NT5DC3: variants seen among roughly 807,000 people sequenced by gnomAD.
NT5DC3 encodes 5'-nucleotidase domain-containing protein 3.
In NT5DC3, 42 loss-of-function variants were observed where a neutral mutation model predicts 67.8. The ratio of observed to expected loss-of-function variants is 0.62; its 90% CI spans 0.48 to 0.80. NT5DC3 has a LOEUF of 0.80. Among genes scored for constraint, NT5DC3 ranks in the 30% least tolerant of loss-of-function variants. NT5DC3 has a pLI of 0.00. For synonymous variants in NT5DC3, 237 were observed against 255.6 expected, an observed-to-expected ratio of 0.93 and a Z score of 0.69; for missense variants, 570 against 696.4, an observed-to-expected ratio of 0.82 and a Z score of 2.04.
chr12:103,785,832 T>C (rs1283341965), intron 11 of NT5DC3: 4 of 439,498 alleles, frequency 9.1e-6, no homozygotes, highest in Non-Finnish European at 1.7e-5. Flanking sequence ...AAGGTCTTCA[T>C]TCAATTCATC....
intron 9 of NT5DC3, among the ~76,000 whole-genome samples, chr12:103,791,335 A>T (rs1376690848): frequency 6.6e-6 from 1 of 152,090 alleles, no homozygotes; most frequent in East Asian, 1.9e-4. Context: ...GAATCCACTA[A>T]GAAAATGGTG....
chr12:103,754,961 A>AAAAT, the NT5DC3 span: 1 of 218,846 alleles, frequency 4.6e-6, no homozygotes, highest in Non-Finnish European at 9.1e-6. Context: ...AAAAAAAAAA[A>AAAAT]TTTGAGTTCT....
At chr12:103,797,196 G>A (rs1216285625) in intron 5 of NT5DC3, among the ~76,000 whole-genome samples, 165 bp from the exon 6 acceptor site, 1 of 152,310 alleles carries the variant, frequency 6.6e-6, no homozygotes, top group East Asian at 1.9e-4. Flanking sequence ...TGGGCTGAGC[G>A]TGGTGGCTCA....
chr12:103,825,962 C>T (rs767807260), intron 1 of NT5DC3, among the ~76,000 whole-genome samples: 2 of 152,194 alleles, frequency 1.3e-5, no homozygotes, highest in Non-Finnish European at 2.9e-5. Flanking sequence ...ACTACAATCC[C>T]TCATATGCAG....
the NT5DC3 span, chr12:103,762,161 C>T: frequency 1.4e-6 from 2 of 1,424,988 alleles, no homozygotes; most frequent in Non-Finnish European, 9.6e-7. Context: ...TACATGTTAA[C>T]ATGTCAGTAT....
chr12:103,762,827 A>C, the NT5DC3 span, among the ~76,000 whole-genome samples: 4 of 152,240 alleles, frequency 2.6e-5, no homozygotes, highest in Non-Finnish European at 5.9e-5. Flanking sequence ...CAGAGGCTTT[A>C]TGCTGCAGCC....
Position 103,841,132 on chromosome 12 carries a change from C to A in NT5DC3, c.25G>T (p.Val9Leu). The change falls in exon 1 of 14, where the codon GTG becomes TTG. Residue 9 changes from valine (V) to leucine (L), a missense_variant. Val to Leu is a conservative substitution (Grantham distance 32). Coordinates refer to ENST00000392876, the MANE Select transcript of NT5DC3 (RefSeq NM_001031701.3). ...GCCCTCGCCCCGGCCCCGCGTGCCA[C>A]CACCGCCGCCGCTGCCATGGTCATG... MTMAAAAV[V>L]ARGAGARAAT... 1 of 871,752 alleles carries A rather than the reference C, an allele frequency of 1.1e-6. No individual in the cohort carries two copies. Among genetic ancestry groups the A allele is most frequent in the Non-Finnish European group, 1.6e-6 (1 of 639,950 alleles). 54.0% of individuals were successfully genotyped at this position (871,752 alleles called of 1,614,324 possible).
At chr12:103,754,961 A>T in the NT5DC3 span, 2,379 of 218,854 alleles carry the variant, frequency 0.011, 63 homozygotes, top group African/African-American at 0.05. Flanking sequence ...AAAAAAAAAA[A>T]TTTGAGTTCT....
intron 1 of NT5DC3, among the ~76,000 whole-genome samples, chr12:103,830,343 G>A (rs889687028): frequency 6.6e-6 from 1 of 152,066 alleles, no homozygotes; most frequent in Non-Finnish European, 1.5e-5. Flanking sequence ...TATTCTCTTT[G>A]TCTTTTGTAT....
In NT5DC3 at chr12:103,796,905, T is replaced by C. The variant is rs1213976451; in HGVS notation, c.742A>G (p.Lys248Glu). Residue 248 changes from lysine to glutamate, a missense_variant, in exon 6 of 14, where the codon AAA becomes GAA. Lys to Glu is a moderately conservative substitution (Grantham distance 56). Transcript: ENST00000392876. Reference sequence around the variant, plus strand: ...ACTGTGGATACAACCTTGACATCTTTGTACAGATGCACAGGCTCATAGTCG... The same window carrying C: ...ACTGTGGATACAACCTTGACATCTTCGTACAGATGCACAGGCTCATAGTCG... The part of the protein sequence containing the change: ...NIDYEPVHLY[K>E]DVKDSIRDVH... 6 of 1,614,190 alleles carry C rather than the reference T, an allele frequency of 3.7e-6. No homozygotes were observed. Among genetic ancestry groups the C allele is most frequent in the Non-Finnish European group, 5.1e-6 (6 of 1,180,022 alleles).
intron 1 of NT5DC3, among the ~76,000 whole-genome samples, chr12:103,828,021 C>A (rs1422467814): frequency 6.6e-6 from 1 of 152,160 alleles, no homozygotes; most frequent in African/African-American, 2.4e-5. Flanking sequence ...CCACCATGAA[C>A]CAGTCAGACC....
At chr12:103,792,857 T>A (rs752923659) in intron 9 of NT5DC3, among the ~76,000 whole-genome samples, 1 of 152,242 alleles carries the variant, frequency 6.6e-6, no homozygotes, top group Non-Finnish European at 1.5e-5. Context: ...TGTGTCTGCA[T>A]CTAAAGATCT....
At chr12:103,801,372 C>CCTTTTTTTTTTTT (rs1886567309) in intron 4 of NT5DC3, among the ~76,000 whole-genome samples, 12 of 78,938 alleles carry the variant, frequency 1.5e-4, no homozygotes, top group African/African-American at 6.0e-4. Context: ...TTGGGGTGGG[C>CCTTTTTTTTTTTT]TTTTTTTTTT....
At position 103,772,552 on chromosome 12, in the gene NT5DC3, G is replaced by C. The variant is rs536280266; in HGVS notation, c.*5277C>G. The C allele has an allele frequency of 1.3e-5, 2 of 152,392 alleles. No homozygotes were observed. Among genetic ancestry groups the C allele is most frequent in the Admixed American group, 6.5e-5 (1 of 15,304 alleles). 9.4% of individuals were successfully genotyped at this position (152,392 alleles called of 1,614,324 possible). A position where few individuals can be genotyped will look rare whatever the true frequency, so the allele number is the denominator to read the frequency against. On this transcript the variant is annotated 3_prime_UTR_variant, in exon 14 of 14. Coordinates refer to ENST00000392876, the MANE Select transcript of NT5DC3 (RefSeq NM_001031701.3). ...AGCACTGTCGCAGGTTGGGTTCCCC[G>C]AAAGCAGATACTGAGGTGGAGAATG... is the stretch of plus-strand genomic sequence containing the variant.
downstream of NT5DC3, chr12:103,765,987 ATCC>A (rs1484593274): frequency 3.9e-6 from 2 of 511,446 alleles, no homozygotes; most frequent in African/African-American, 3.9e-5. Flanking sequence ...CTCTAATTTA[ATCC>A]TCCTACCTCC....
chr12:103,817,931 C>T (rs1394059083), intron 1 of NT5DC3, among the ~76,000 whole-genome samples: 1 of 152,202 alleles, frequency 6.6e-6, no homozygotes, highest in Non-Finnish European at 1.5e-5. Context: ...AGAAGCATTC[C>T]TCTTGCATAG....
chr12:103,778,204 G>A, intron 13 of NT5DC3, 123 bp from the exon 14 acceptor site: 1 of 1,072,640 alleles, frequency 9.3e-7, no homozygotes, highest in African/African-American at 1.6e-5. Context: ...TGAGAAACAT[G>A]TTAGCCTAGA....
At chr12:103,793,118 G>T in intron 9 of NT5DC3, 46 bp downstream of exon 9, 1 of 1,282,404 alleles carries the variant, frequency 7.8e-7, no homozygotes, top group Non-Finnish European at 1.1e-6. Context: ...TATATTCACA[G>T]CAGCAAAGGA....
intron 1 of NT5DC3, among the ~76,000 whole-genome samples, chr12:103,819,335 C>A (rs1480955295): frequency 6.6e-6 from 1 of 152,210 alleles, no homozygotes; most frequent in Non-Finnish European, 1.5e-5. Context: ...GAACGCCAAC[C>A]ACTCACAAAA....
Sources: allele counts gnomAD v4.1 joint callset (sites outside exome capture counted in the v4.1 genomes callset), GRCh38; gene constraint gnomAD v4.1.1; transcripts MANE v1.5; gene names NCBI Gene and HGNC (gene_info 2026-07-23, HGNC 2026-07-21).